Variants in ESRRG observed in about 807,000 individuals in gnomAD.
ESRRG encodes estrogen-related receptor gamma.
ESRRG carries 13 observed loss-of-function variants against 44.0 expected under a neutral mutation model. That is an observed-to-expected ratio of 0.30 (90% CI 0.19 to 0.47). The LOEUF is 0.47. ESRRG is among the 20% of genes least tolerant of loss of function. The pLI, the probability that ESRRG is intolerant of heterozygous loss-of-function variation, is 1.00. For synonymous variants in ESRRG, 215 were observed against 214.6 expected (o/e 1.00, Z -0.02); for missense variants, 395 against 580.6 (o/e 0.68, Z 3.29).
chr1:216,898,412 G>T (rs1012446468), intron 2 of ESRRG, among the ~76,000 whole-genome samples: 5 of 152,142 alleles, frequency 3.3e-5, no homozygotes, highest in Non-Finnish European at 7.3e-5. Context: ...GAGTTCAGGA[G>T]CTCGAGACCA....
chr1:216,590,179 TTAA>T lies in ESRRG; in HGVS notation c.590-22084_590-22082del, dbSNP rs200166350. ...CTCTAACAGTAATGGTTGTTGATTA[TTAA>T]TAATATGACTAATATATAATAATGC... On this transcript the variant is annotated intron_variant, in intron 3 of 6. Transcript: ENST00000408911. Among the ~76,000 whole-genome samples, 95 of 152,152 alleles carry T rather than the reference TTAA, an allele frequency of 6.2e-4. 1 individual carries two copies. Among genetic ancestry groups the T allele is most frequent in the African/African-American group, 2.2e-3 (91 of 41,558 alleles).
At chr1:216,908,994 T>C (rs1160142278) in intron 2 of ESRRG, among the ~76,000 whole-genome samples, 3 of 152,158 alleles carry the variant, frequency 2.0e-5, no homozygotes, top group Non-Finnish European at 2.9e-5. Context: ...TTTTTTTTGT[T>C]TGCTACTGGT....
At chr1:216,836,175 T>C in intron 2 of ESRRG, among the ~76,000 whole-genome samples, 1 of 151,666 alleles carries the variant, frequency 6.6e-6, no homozygotes, top group African/African-American at 2.4e-5. Context: ...TTTTCAAACC[T>C]AACAAAAATA....
At chr1:216,996,194 T>G (rs537633410) in intron 1 of ESRRG, among the ~76,000 whole-genome samples, 38 of 152,184 alleles carry the variant, frequency 2.5e-4, no homozygotes, top group Non-Finnish European at 4.9e-4. Context: ...CTTTCATGAC[T>G]GTGTCTCTGC....
chr1:216,958,026 C>T (rs2576226), intron 1 of ESRRG, among the ~76,000 whole-genome samples: 106,021 of 151,968 alleles, frequency 0.7, 38,881 homozygotes, highest in Middle Eastern at 0.83. Context: ...TGAATGGAAA[C>T]GTATAGTACG....
At chr1:216,912,733 T>C (rs1457430793) in intron 2 of ESRRG, among the ~76,000 whole-genome samples, 1 of 152,190 alleles carries the variant, frequency 6.6e-6, no homozygotes, top group Non-Finnish European at 1.5e-5. Flanking sequence ...ATATATTTTA[T>C]TGAATACATT....
chr1:216,873,000 C>CCTT (rs2096279762), intron 2 of ESRRG, among the ~76,000 whole-genome samples: 1 of 152,084 alleles, frequency 6.6e-6, no homozygotes, highest in Non-Finnish European at 1.5e-5. Flanking sequence ...TTCCAACTGA[C>CCTT]CTTCTCATGG....
At chr1:217,116,435 G>T (rs1421288889) in intron 1 of ESRRG, among the ~76,000 whole-genome samples, 1 of 152,148 alleles carries the variant, frequency 6.6e-6, no homozygotes, top group Non-Finnish European at 1.5e-5. Flanking sequence ...CCAAAAAGCT[G>T]AGTGTTTTGA....
intron 2 of ESRRG, among the ~76,000 whole-genome samples, chr1:216,938,983 T>C (rs1003970139): frequency 2.6e-5 from 4 of 152,178 alleles, no homozygotes; most frequent in African/African-American, 9.7e-5. Flanking sequence ...GGAATGTTAG[T>C]ATTACATAAT....
chr1:217,018,298 G>C (rs2079740876), intron 1 of ESRRG, among the ~76,000 whole-genome samples: 1 of 151,912 alleles, frequency 6.6e-6, no homozygotes, highest in Non-Finnish European at 1.5e-5. Context: ...AAGCATAATA[G>C]GAAGACAAAC....
At chr1:216,732,205 G>A (rs2088954800) in intron 2 of ESRRG, among the ~76,000 whole-genome samples, 1 of 150,866 alleles carries the variant, frequency 6.6e-6, no homozygotes, top group Admixed American at 6.6e-5. Flanking sequence ...ACATTAACAA[G>A]GCAATTTCAC....
At chr1:216,706,327 CAT>C (rs2082439420) in intron 1 of ESRRG, among the ~76,000 whole-genome samples, 2 of 152,008 alleles carry the variant, frequency 1.3e-5, no homozygotes, top group African/African-American at 4.8e-5. Flanking sequence ...GAAGCAAAAA[CAT>C]AGGTGAGATG....
intron 3 of ESRRG, 37 bp from the exon 4 acceptor site, chr1:216,568,135 T>A (rs1403162691): frequency 6.9e-7 from 1 of 1,446,514 alleles, no homozygotes; most frequent in Admixed American, 1.7e-5. Context: ...ACTATTAAGG[T>A]AGCTATGTTT....
At chr1:217,074,035 G>A (rs571403360) in intron 1 of ESRRG, among the ~76,000 whole-genome samples, 3 of 147,952 alleles carry the variant, frequency 2.0e-5, no homozygotes, top group South Asian at 4.3e-4. Flanking sequence ...TAGGATTAGT[G>A]TAATTATGAA....
intron 2 of ESRRG, among the ~76,000 whole-genome samples, chr1:216,881,271 G>T (rs755039485): frequency 4.2e-4 from 64 of 152,264 alleles, no homozygotes; most frequent in East Asian, 3.9e-4. Flanking sequence ...AGCAGATGCA[G>T]ATTATCCTCA....
At chr1:216,526,944 A>G (rs549033277) in intron 5 of ESRRG, among the ~76,000 whole-genome samples, 19 of 152,314 alleles carry the variant, frequency 1.2e-4, no homozygotes, top group African/African-American at 4.3e-4. Context: ...GTATTCCTGA[A>G]GGTTTATTTC....
At chr1:216,806,247 A>G (rs1253732098) in intron 2 of ESRRG, among the ~76,000 whole-genome samples, 1 of 152,196 alleles carries the variant, frequency 6.6e-6, no homozygotes, top group African/African-American at 2.4e-5. Flanking sequence ...ATGTGAAACA[A>G]TGAGCTGTGT....
chr1:216,957,008 T>A (rs761843941), intron 1 of ESRRG, among the ~76,000 whole-genome samples: 11 of 152,226 alleles, frequency 7.2e-5, no homozygotes, highest in African/African-American at 2.7e-4. Flanking sequence ...AAGCATCATA[T>A]CACTGTGATA....
chr1:216,733,604 C>A (rs977585811), intron 2 of ESRRG, among the ~76,000 whole-genome samples: 2 of 152,028 alleles, frequency 1.3e-5, no homozygotes, highest in Non-Finnish European at 2.9e-5. Flanking sequence ...TATAAATAAA[C>A]CATTGCAAAA....
Sources: gnomAD v4.1 joint callset for allele counts (sites outside exome capture counted in the v4.1 genomes callset) on GRCh38, gnomAD v4.1.1 for gene constraint, MANE v1.5 for transcripts, NCBI Gene and HGNC (gene_info 2026-07-23, HGNC 2026-07-21) for gene names.